LHFPL3: variants seen among roughly 807,000 people sequenced by gnomAD.
LHFPL3 encodes the protein LHFPL tetraspan subfamily member 3.
LHFPL3 carries 5 observed loss-of-function variants against 19.3 expected under a neutral mutation model. That is an observed-to-expected ratio of 0.26 (90% CI 0.14 to 0.54). The LOEUF (loss-of-function observed/expected upper bound fraction) is 0.54, where lower values mean the gene tolerates loss of function less well. LHFPL3 is among the 20% of genes least tolerant of loss of function. The pLI is 0.94. For missense variants in LHFPL3, 249 were observed against 307.4 expected (o/e 0.81, Z 1.42); for synonymous variants, 133 against 126.2 (o/e 1.05, Z -0.36).
At chr7:104,633,295 G>T (rs1041634606) in intron 1 of LHFPL3, among the ~76,000 whole-genome samples, 3 of 152,146 alleles carry the variant, frequency 2.0e-5, no homozygotes, top group Non-Finnish European at 2.9e-5. Context: ...TGAGTTCTTA[G>T]ATTATATTCA....
intron 1 of LHFPL3, among the ~76,000 whole-genome samples, chr7:104,735,878 G>T (rs951700243): frequency 6.6e-6 from 1 of 152,234 alleles, no homozygotes; most frequent in Non-Finnish European, 1.5e-5. Context: ...TTCATCCATT[G>T]ATAGACATTA....
intron 1 of LHFPL3, among the ~76,000 whole-genome samples, chr7:104,563,784 C>G (rs1254984125): frequency 1.3e-5 from 2 of 152,220 alleles, no homozygotes; most frequent in Non-Finnish European, 2.9e-5. Flanking sequence ...TTACACTTCT[C>G]AGACTCCAGA....
chr7:104,334,769 C>T (rs73193607), intron 1 of LHFPL3, among the ~76,000 whole-genome samples: 16,536 of 152,088 alleles, frequency 0.11, 1,268 homozygotes, highest in African/African-American at 0.21. Context: ...TTTATTACAG[C>T]ATTGGGAGAT....
intron 1 of LHFPL3, 143 bp from the exon 2 acceptor site, chr7:104,736,532 G>A: frequency 3.2e-6 from 2 of 630,984 alleles, no homozygotes; most frequent in Non-Finnish European, 2.8e-6. Context: ...CACACATTCA[G>A]AGTGACAGTG....
chr7:104,429,301 CTTTTTTT>C (rs71823474), intron 1 of LHFPL3, among the ~76,000 whole-genome samples: 2 of 84,532 alleles, frequency 2.4e-5, no homozygotes, highest in African/African-American at 1.1e-4. Flanking sequence ...TATGTCATTC[CTTTTTTT>C]TTTTTTTTTT....
intron 1 of LHFPL3, among the ~76,000 whole-genome samples, chr7:104,483,932 G>A (rs753233245): frequency 3.8e-4 from 58 of 152,152 alleles, no homozygotes; most frequent in Non-Finnish European, 6.3e-4. Context: ...CAGCCAACAT[G>A]TAGTCATTTT....
intron 2 of LHFPL3, among the ~76,000 whole-genome samples, chr7:104,820,140 G>C (rs1444420067): frequency 6.6e-6 from 1 of 152,064 alleles, no homozygotes; most frequent in Admixed American, 6.6e-5. Flanking sequence ...CTGAAAATTG[G>C]AAAATCCACG....
intron 2 of LHFPL3, among the ~76,000 whole-genome samples, chr7:104,841,217 A>G (rs1791196690): frequency 6.6e-6 from 1 of 152,166 alleles, no homozygotes; most frequent in Admixed American, 6.5e-5. Context: ...CATTGCCTTA[A>G]TTGGAATATC....
intron 1 of LHFPL3, among the ~76,000 whole-genome samples, chr7:104,588,653 G>A (rs1400345066): frequency 2.0e-5 from 3 of 152,176 alleles, no homozygotes; most frequent in Non-Finnish European, 2.9e-5. Context: ...ATTCTGTGAA[G>A]AAAGTCATTG....
chr7:104,898,006 C>CTTT lies in LHFPL3; in HGVS notation c.683-8162_683-8160dup, dbSNP rs71155536. 4.5e-4 allele frequency among the ~76,000 whole-genome samples: 44 copies of CTTT among 96,802 alleles called. 5 individuals carry two copies. Among genetic ancestry groups the CTTT allele is most frequent in the African/African-American group, 1.5e-3 (36 of 24,298 alleles). 63.5% of individuals were successfully genotyped at this position (96,802 alleles called of 152,430 possible). On this transcript the variant is annotated intron_variant, in intron 2 of 2. Coordinates refer to ENST00000424859, the MANE Select transcript of LHFPL3 (RefSeq NM_199000.3). Reference sequence around the variant, plus strand: ...CTGCTGACAGAAAGAAATGTCACCCCTTTTTTTTTTTTTTTTTTTTTGATA... The same window carrying CTTT: ...CTGCTGACAGAAAGAAATGTCACCCCTTTTTTTTTTTTTTTTTTTTTTTTGATA...
intron 1 of LHFPL3, among the ~76,000 whole-genome samples, chr7:104,585,209 A>G (rs536877251): frequency 5.1e-4 from 78 of 152,092 alleles, no homozygotes; most frequent in Non-Finnish European, 9.9e-4. Context: ...CTTTTATGGT[A>G]CCTGGCGACT....
chr7:104,687,091 C>T (rs1374399719), intron 1 of LHFPL3, among the ~76,000 whole-genome samples: 1 of 152,188 alleles, frequency 6.6e-6, no homozygotes, highest in Non-Finnish European at 1.5e-5. Flanking sequence ...CAGAGCCAGA[C>T]CATATATAGC....
At chr7:104,602,040 T>TTTTTTTC (rs397951500) in intron 1 of LHFPL3, among the ~76,000 whole-genome samples, 3 of 147,440 alleles carry the variant, frequency 2.0e-5, no homozygotes, top group Admixed American at 6.8e-5. Context: ...TTTTTTTTTT[T>TTTTTTTC]CTGACAGCCT....
At chr7:104,888,414 C>T (rs1792189813) in intron 2 of LHFPL3, among the ~76,000 whole-genome samples, 1 of 152,166 alleles carries the variant, frequency 6.6e-6, no homozygotes, top group South Asian at 2.1e-4. Context: ...CCTGTAGCTC[C>T]AGCTAACCAG....
chr7:104,663,493 T>C (rs11983223), intron 1 of LHFPL3, among the ~76,000 whole-genome samples: 5,795 of 152,308 alleles, frequency 0.038, 321 homozygotes, highest in African/African-American at 0.12. Context: ...CATTGAGCAT[T>C]GATCCAGGTT....
intron 1 of LHFPL3, among the ~76,000 whole-genome samples, chr7:104,463,151 G>T (rs1027528796): frequency 1.3e-5 from 2 of 151,950 alleles, no homozygotes; most frequent in African/African-American, 2.4e-5. Context: ...AGTCTAGCTA[G>T]CAGCCTATCT....
In LHFPL3 at chr7:104,538,029, GA is replaced by G. The variant is rs533627467; in HGVS notation, c.446-198638del. 3.8e-3 allele frequency among the ~76,000 whole-genome samples: 574 copies of G among 151,942 alleles called. 3 individuals are homozygous for G. The highest frequency in any genetic ancestry group is 0.034 in the Middle Eastern group (10 of 292). On this transcript the variant is annotated intron_variant, in intron 1 of 2. Transcript: ENST00000424859. Reference sequence around the variant, plus strand: ...GGATGGTTTCTCCTGAGCCATGCTAGAAAAAAAACTCTGAACTTCAGGTTTC... The same window carrying G: ...GGATGGTTTCTCCTGAGCCATGCTAGAAAAAAACTCTGAACTTCAGGTTTC...
Position 104,908,148 on chromosome 7 carries a change from C to T in LHFPL3, c.*1933C>T, listed in dbSNP as rs1792654148. Among the ~76,000 whole-genome samples the T allele has an allele frequency of 6.6e-6, 1 of 152,154 alleles. No individual in the cohort carries two copies. Among genetic ancestry groups the T allele is most frequent in the Non-Finnish European group, 1.5e-5 (1 of 68,020 alleles). ...CAAAGGGTATTGGCTTTCTCTAATC[C>T]ATGCAAACTACAAATTCCATCGGGA... On this transcript the variant is annotated 3_prime_UTR_variant, in exon 3 of 3. Coordinates refer to ENST00000424859, the MANE Select transcript of LHFPL3 (RefSeq NM_199000.3).
At chr7:104,541,523 A>T (rs1178290516) in intron 1 of LHFPL3, among the ~76,000 whole-genome samples, 2 of 152,194 alleles carry the variant, frequency 1.3e-5, no homozygotes, top group Non-Finnish European at 2.9e-5. Context: ...GAGGCTCTCA[A>T]GTAAGGTTTT....
Sources: allele counts gnomAD v4.1 joint callset (sites outside exome capture counted in the v4.1 genomes callset), GRCh38; gene constraint gnomAD v4.1.1; transcripts MANE v1.5; gene names NCBI Gene and HGNC (gene_info 2026-07-23, HGNC 2026-07-21).